The following ADCY10 variants were observed in gnomAD, a reference collection of about 807,000 sequenced individuals.
The protein encoded by ADCY10 is adenylate cyclase type 10.
In ADCY10, 156 loss-of-function variants were observed where a neutral mutation model predicts 183.3. That is an observed-to-expected ratio of 0.85 (90% CI 0.75 to 0.97). ADCY10 has a LOEUF of 0.97. ADCY10 is among the 50% of genes least tolerant of loss of function. The pLI is 0.00. For missense variants in ADCY10, 1,745 were observed against 1,934.3 expected, an observed-to-expected ratio of 0.90 and a Z score of 1.84; for synonymous variants, 645 against 670.0, an observed-to-expected ratio of 0.96 and a Z score of 0.58.
chr1:167,883,388 T>C, intron 9 of ADCY10, 49 bp downstream of exon 9: 1 of 1,596,432 alleles, frequency 6.3e-7, no homozygotes, highest in Non-Finnish European at 8.6e-7. Context: ...TGTCCATGAA[T>C]GCTAACCTAA....
chr1:167,822,659 G>T (rs143098446), intron 29 of ADCY10, among the ~76,000 whole-genome samples: 2 of 152,108 alleles, frequency 1.3e-5, no homozygotes, highest in Non-Finnish European at 2.9e-5. Flanking sequence ...ATTCTAAAGC[G>T]TGAAGTCTCT....
intron 31 of ADCY10, among the ~76,000 whole-genome samples, chr1:167,817,313 C>T (rs563443860): frequency 1.2e-4 from 18 of 152,278 alleles, no homozygotes; most frequent in South Asian, 4.1e-4. Context: ...TGCAGTGAGT[C>T]GAGATTGCGC....
At chr1:167,815,270 G>T (rs1156243276) in intron 31 of ADCY10, among the ~76,000 whole-genome samples, 2 of 152,168 alleles carry the variant, frequency 1.3e-5, no homozygotes, top group African/African-American at 4.8e-5. Flanking sequence ...CATTCTTTCA[G>T]CAGAGGAAGA....
chr1:167,867,505 G>A (rs1286944978), intron 14 of ADCY10, among the ~76,000 whole-genome samples: 1 of 152,160 alleles, frequency 6.6e-6, no homozygotes, highest in Non-Finnish European at 1.5e-5. Context: ...AGTGTACGAG[G>A]ACTCTAAAAG....
At chr1:167,823,380 G>A (rs916219762) in intron 28 of ADCY10, among the ~76,000 whole-genome samples, 56 of 135,652 alleles carry the variant, frequency 4.1e-4, no homozygotes, top group Non-Finnish European at 2.6e-4. Context: ...AGCCAATAAC[G>A]CACCACTGCA....
chr1:167,899,793 G>A (rs968994651), intron 5 of ADCY10, among the ~76,000 whole-genome samples, 165 bp from the exon 6 acceptor site: 6 of 152,068 alleles, frequency 3.9e-5, no homozygotes, highest in Non-Finnish European at 7.3e-5. Context: ...TTTTGGGCTC[G>A]GGCCTTCCAA....
At chr1:167,810,538 C>T (rs191945774) in intron 32 of ADCY10, among the ~76,000 whole-genome samples, 187 bp downstream of exon 32, 21 of 152,312 alleles carry the variant, frequency 1.4e-4, no homozygotes, top group African/African-American at 4.8e-4. Flanking sequence ...GACAGCGAAT[C>T]TCCAGAGCCT....
rs753154727 is a variant in ADCY10 at position 167,848,429 on chromosome 1, C to T, written c.2369G>A (p.Ser790Asn). Residue 790 changes from serine (S) to asparagine (N), a missense_variant, in exon 19 of 33, where the codon AGT becomes AAT. Ser to Asn is a conservative substitution (Grantham distance 46). Transcript: ENST00000367851. ...NMVTLHSDKESEEVCHLTSGV... is the reference protein window; with the variant it reads ...NMVTLHSDKENEEVCHLTSGV... ...ACTTGTGAGGTGACAGACTTCTTCACTTTCCTTATCACTATGGAGAGTAAC... is the reference window on the plus strand; with the variant it reads ...ACTTGTGAGGTGACAGACTTCTTCATTTTCCTTATCACTATGGAGAGTAAC... 2.5e-6 allele frequency: 4 copies of T among 1,614,002 alleles called. No homozygotes were observed. Among genetic ancestry groups the T allele is most frequent in the Non-Finnish European group, 2.5e-6 (3 of 1,179,874 alleles).
intron 24 of ADCY10, among the ~76,000 whole-genome samples, chr1:167,833,529 T>C (rs972161200): frequency 1.3e-5 from 2 of 152,128 alleles, no homozygotes; most frequent in Non-Finnish European, 2.9e-5. Flanking sequence ...GCGGATCACT[T>C]GAGGTCAGGA....
chr1:167,868,939 A>T (rs1269051182), intron 14 of ADCY10, among the ~76,000 whole-genome samples: 1 of 152,176 alleles, frequency 6.6e-6, no homozygotes, highest in Non-Finnish European at 1.5e-5. Flanking sequence ...CCGGCAAGAA[A>T]CTCAGATAAG....
intron 8 of ADCY10, among the ~76,000 whole-genome samples, chr1:167,887,101 C>A (rs1381359979): frequency 1.3e-5 from 2 of 152,116 alleles, no homozygotes; most frequent in Non-Finnish European, 2.9e-5. Flanking sequence ...GTTGGTGGGA[C>A]TGTAAACTAG....
chr1:167,900,210 GAC>G, intron 5 of ADCY10, among the ~76,000 whole-genome samples: 1 of 152,302 alleles, frequency 6.6e-6, no homozygotes, highest in East Asian at 1.9e-4. Flanking sequence ...AACTGTAAGT[GAC>G]ACACATTTCT....
At chr1:167,833,900 A>C (rs1663983197) in intron 24 of ADCY10, 70 bp downstream of exon 24, 3 of 1,207,038 alleles carry the variant, frequency 2.5e-6, no homozygotes, top group Middle Eastern at 2.1e-4. Context: ...AAGTATAGGG[A>C]TGACTTCTAC....
At chr1:167,903,320 T>C (rs1383223251) in intron 3 of ADCY10, among the ~76,000 whole-genome samples, 1 of 151,224 alleles carries the variant, frequency 6.6e-6, no homozygotes, top group East Asian at 1.9e-4. Context: ...TCCCAGCACT[T>C]TGGGGGGCTG....
chr1:167,905,563 C>A, intron 1 of ADCY10, among the ~76,000 whole-genome samples: 1 of 151,688 alleles, frequency 6.6e-6, no homozygotes. Context: ...TCCTTTTACC[C>A]TCTCTCTACC....
chr1:167,818,766 TGA>T (rs1307775756), intron 30 of ADCY10, among the ~76,000 whole-genome samples: 2 of 152,224 alleles, frequency 1.3e-5, no homozygotes, highest in African/African-American at 4.8e-5. Flanking sequence ...CTCGAACTCC[TGA>T]CCTCAGGTGA....
In ADCY10 at chr1:167,818,324, C is replaced by CT. The variant is rs759977154; in HGVS notation, c.4287-58dup. On this transcript the variant is annotated intron_variant, in intron 30 of 32. Coordinates refer to ENST00000367851, the MANE Select transcript of ADCY10 (RefSeq NM_018417.6). ...GTATCACCCATTAGGAATAGGCTGGCTTTCTGAAATGTCTCTCTGGATGTG... is the reference window on the plus strand; with the variant it reads ...GTATCACCCATTAGGAATAGGCTGGCTTTTCTGAAATGTCTCTCTGGATGTG... The CT allele has an allele frequency of 3.3e-6, 5 of 1,505,570 alleles. No individual in the cohort carries two copies. The African/African-American group carries it at 5.5e-5, about 17-fold the overall frequency. The allele number at this position is 1,505,570 out of a possible 1,614,324, so 93.3% of individuals were successfully genotyped here. A position where few individuals can be genotyped will look rare whatever the true frequency, so the allele number is the denominator to read the frequency against.
At chr1:167,890,318 C>T (rs1355372107) in intron 8 of ADCY10, among the ~76,000 whole-genome samples, 1 of 152,202 alleles carries the variant, frequency 6.6e-6, no homozygotes, top group Non-Finnish European at 1.5e-5. Flanking sequence ...AGAGGTACCA[C>T]CTTTGTGGTC....
chr1:167,826,138 C>T (rs1478141048), intron 26 of ADCY10, among the ~76,000 whole-genome samples: 2 of 152,130 alleles, frequency 1.3e-5, no homozygotes, highest in African/African-American at 4.8e-5. Context: ...ACTTAAACCA[C>T]ATCAGTCTTA....
Sources: allele counts gnomAD v4.1 joint callset (sites outside exome capture counted in the v4.1 genomes callset), GRCh38; gene constraint gnomAD v4.1.1; transcripts MANE v1.5; gene names NCBI Gene and HGNC (gene_info 2026-07-23, HGNC 2026-07-21).